FMO3: variants seen among roughly 807,000 people sequenced by gnomAD.
FMO3 encodes the protein flavin containing dimethylaniline monoxygenase 3.
In FMO3, 40 loss-of-function variants were observed where a neutral mutation model predicts 39.4. The observed-to-expected ratio is 1.02, with a 90% confidence interval of 0.79 to 1.32. FMO3 has a LOEUF of 1.32. Ranked by LOEUF, FMO3 falls within the 40% of genes most tolerant of loss-of-function variation. FMO3 has a pLI of 0.00. For synonymous variants in FMO3, 219 were observed against 228.8 expected (o/e 0.96, Z 0.39); for missense variants, 680 against 651.8 (o/e 1.04, Z -0.47).
At position 171,092,607 on chromosome 1, in the gene FMO3, T is replaced by A. The variant is rs192337194; in HGVS notation, c.-6-46T>A. The A allele has an allele frequency of 9.8e-5, 157 of 1,607,150 alleles. 2 individuals are homozygous for A. Among genetic ancestry groups the A allele is most frequent in the Admixed American group, 9.0e-4 (54 of 59,990 alleles). On this transcript the variant is annotated intron_variant, in intron 1 of 8. Transcript: ENST00000367755. Reference sequence around the variant, plus strand: ...TAAATAGATAAATAAGTAAATACATTTTCAGCAATGTTGTTACTGGAAATG... The same window carrying A: ...TAAATAGATAAATAAGTAAATACATATTCAGCAATGTTGTTACTGGAAATG...
Position 171,114,215 on chromosome 1 carries a change from A to G in FMO3, c.1036A>G (p.Arg346Gly). 6.2e-7 allele frequency: 1 copy of G among 1,614,056 alleles called. No homozygotes were observed. The highest frequency in any genetic ancestry group is 1.7e-4 in the Middle Eastern group (1 of 6,060). ...PFLDESIIKS[R>G]NNEIILFKGV... The stretch of plus-strand genomic sequence containing the variant: ...CCTTGATGAGTCTATCATCAAAAGC[A>G]GAAACAATGAGATCATTTTATTTAA... The change falls in exon 7 of 9, where the codon AGA becomes GGA. Residue 346 changes from arginine (R) to glycine (G), a missense_variant. By Grantham distance (125) the Arg-to-Gly change is moderately radical. Transcript: ENST00000367755.
intron 2 of FMO3, chr1:171,101,093 G>A (rs1206200838): frequency 2.2e-6 from 1 of 456,134 alleles, no homozygotes; most frequent in Admixed American, 2.3e-5. Context: ...AGCCATGAGT[G>A]AAGGCGTACA....
rs891276414 is a variant in FMO3 at position 171,114,098 on chromosome 1, A to C, written c.919A>C (p.Thr307Pro). 5.0e-6 allele frequency: 8 copies of C among 1,613,878 alleles called. No individual in the cohort carries two copies. Among genetic ancestry groups the C allele is most frequent in the Non-Finnish European group, 6.8e-6 (8 of 1,179,840 alleles). ...CGTAAAGCCTAACGTGAAGGAATTC[A>C]CAGAGACCTCGGCCATTTTTGAGGA... ...VSVKPNVKEF[T>P]ETSAIFEDGT... Residue 307 changes from threonine to proline, a missense_variant, in exon 7 of 9, where the codon ACA (threonine) becomes CCA (proline). By Grantham distance (38) the Thr-to-Pro change is conservative. Coordinates refer to ENST00000367755, the MANE Select transcript of FMO3 (RefSeq NM_001002294.3).
At chr1:171,109,644 C>T (rs574472641) in intron 5 of FMO3, among the ~76,000 whole-genome samples, 21 of 144,184 alleles carry the variant, frequency 1.5e-4, no homozygotes, top group Non-Finnish European at 2.8e-4. Flanking sequence ...AAGCAATTCT[C>T]CCATCTCAGC....
chr1:171,104,081 T>C (rs1264667916), intron 3 of FMO3, 108 bp downstream of exon 3: 1 of 848,948 alleles, frequency 1.2e-6, no homozygotes, highest in Non-Finnish European at 1.9e-6. Flanking sequence ...TTTGTCAACA[T>C]TTTTAACAGT....
chr1:171,110,648 C>A (rs1655863427), intron 5 of FMO3, 150 bp from the exon 6 acceptor site: 1 of 747,862 alleles, frequency 1.3e-6, no homozygotes, highest in Non-Finnish European at 2.3e-6. Context: ...AAGCAATGGT[C>A]AAAAAGGACT....
intron 2 of FMO3, among the ~76,000 whole-genome samples, chr1:171,096,159 AATATAT>A (rs1333703719): frequency 6.6e-5 from 5 of 75,858 alleles, no homozygotes; most frequent in Admixed American, 2.6e-4. Flanking sequence ...ATGAATATAT[AATATAT>A]ATAATTATAT....
intron 6 of FMO3, among the ~76,000 whole-genome samples, chr1:171,112,453 T>C (rs1448855174): frequency 6.6e-6 from 1 of 152,098 alleles, no homozygotes; most frequent in African/African-American, 2.4e-5. Flanking sequence ...TTGTTAGCAG[T>C]GAGTGGTCAG....
chr1:171,101,098 C>T (rs1265984555), intron 2 of FMO3: 4 of 455,916 alleles, frequency 8.8e-6, no homozygotes, highest in African/African-American at 2.0e-5. Context: ...TGAGTGAAGG[C>T]GTACAAGAGG....
intron 3 of FMO3, among the ~76,000 whole-genome samples, chr1:171,105,296 C>T (rs1173076542): frequency 6.6e-6 from 1 of 152,114 alleles, no homozygotes; most frequent in Non-Finnish European, 1.5e-5. Flanking sequence ...GACATTATTA[C>T]CTTTACATCA....
intron 5 of FMO3, 77 bp from the exon 6 acceptor site, chr1:171,110,721 A>G (rs1286856946): frequency 7.6e-7 from 1 of 1,320,384 alleles, no homozygotes; most frequent in East Asian, 2.3e-5. Context: ...CCATTCCTCA[A>G]GAGGGATCTG....
At chr1:171,092,565 A>G (rs1306500767) in intron 1 of FMO3, 88 bp from the exon 2 acceptor site, 3 of 1,508,960 alleles carry the variant, frequency 2.0e-6, no homozygotes, top group South Asian at 1.1e-5. Context: ...TTATTAAGCC[A>G]AAGAGCGAAA....
rs2101913904 is a variant in FMO3 at position 171,108,130 on chromosome 1, C to A, written c.536C>A (p.Pro179Gln). The A allele has an allele frequency of 1.2e-6, 2 of 1,613,784 alleles. No homozygotes were observed. Among genetic ancestry groups the A allele is most frequent in the African/African-American group, 1.3e-5 (1 of 74,954 alleles). The change falls in exon 5 of 9, where the codon CCA (proline) becomes CAA (glutamine). Residue 179 changes from proline to glutamine, a missense_variant. Physicochemically the swap from Pro to Gln is moderately conservative, Grantham distance 76. Transcript: ENST00000367755. ...KCFHSRDYKE[P>Q]GVFNGKRVLV... The stretch of plus-strand genomic sequence containing the variant: ...TTCCACAGCAGGGACTATAAAGAAC[C>A]AGGTGTATTCAATGGAAAGCGTGTC...
chr1:171,104,108 T>C, intron 3 of FMO3, 135 bp downstream of exon 3: 1 of 736,212 alleles, frequency 1.4e-6, no homozygotes, highest in South Asian at 1.6e-5. Context: ...TCTCTAACTC[T>C]AGGTTTAGAG....
At chr1:171,116,176 T>A (rs754766044) in intron 7 of FMO3, 32 bp from the exon 8 acceptor site, 3 of 1,402,460 alleles carry the variant, frequency 2.1e-6, no homozygotes, top group Non-Finnish European at 3.0e-6. Context: ...CCAGACTCAT[T>A]AATTACCATC....
At chr1:171,111,335 A>G (rs1655899439) in intron 6 of FMO3, among the ~76,000 whole-genome samples, 1 of 152,168 alleles carries the variant, frequency 6.6e-6, no homozygotes, top group Admixed American at 6.5e-5. Flanking sequence ...AATTATGAAG[A>G]GAGCTCTACT....
chr1:171,092,288 CG>C (rs1301808923), intron 1 of FMO3, among the ~76,000 whole-genome samples: 3 of 152,088 alleles, frequency 2.0e-5, no homozygotes, highest in Non-Finnish European at 4.4e-5. Flanking sequence ...GGTACAATCA[CG>C]GCTCACTGCA....
chr1:171,115,057 T>A (rs1425856488), intron 7 of FMO3, among the ~76,000 whole-genome samples: 1 of 152,078 alleles, frequency 6.6e-6, no homozygotes, highest in Non-Finnish European at 1.5e-5. Flanking sequence ...AATACAGTTG[T>A]GGGGAGATGC....
intron 2 of FMO3, among the ~76,000 whole-genome samples, chr1:171,094,009 A>G (rs545414825): frequency 6.6e-6 from 1 of 151,594 alleles, no homozygotes; most frequent in South Asian, 2.1e-4. Context: ...TTGTATTTTT[A>G]GTAGAGACAG....
Sources: allele counts gnomAD v4.1 joint callset (sites outside exome capture counted in the v4.1 genomes callset), GRCh38; gene constraint gnomAD v4.1.1; transcripts MANE v1.5; gene names NCBI Gene and HGNC (gene_info 2026-07-23, HGNC 2026-07-21).